ARSB: variants seen among roughly 807,000 people sequenced by gnomAD.
The protein encoded by ARSB is arylsulfatase B.
In ARSB, 41 loss-of-function variants were observed where a neutral mutation model predicts 50.9. The ratio of observed to expected loss-of-function variants is 0.81; its 90% CI spans 0.63 to 1.04. The LOEUF is 1.04. ARSB is among the 50% of genes least tolerant of loss of function. The pLI, the probability that ARSB is intolerant of heterozygous loss-of-function variation, is 0.00. For missense variants in ARSB, 672 were observed against 693.3 expected, an observed-to-expected ratio of 0.97 and a Z score of 0.35; for synonymous variants, 269 against 284.8, an observed-to-expected ratio of 0.94 and a Z score of 0.56.
intron 6 of ARSB, among the ~76,000 whole-genome samples, chr5:78,796,144 G>C (rs1580976583): frequency 6.6e-6 from 1 of 152,328 alleles, no homozygotes; most frequent in Non-Finnish European, 1.5e-5. Context: ...ACCTGAAATA[G>C]GTTGACAAGA....
At chr5:78,863,237 C>G (rs1561467487) in intron 5 of ARSB, among the ~76,000 whole-genome samples, 1 of 152,098 alleles carries the variant, frequency 6.6e-6, no homozygotes. Context: ...AATCGTTTGA[C>G]CCAGTGATCC....
intron 5 of ARSB, among the ~76,000 whole-genome samples, chr5:78,857,352 T>C (rs1191156964): frequency 4.6e-5 from 7 of 152,228 alleles, no homozygotes; most frequent in Non-Finnish European, 1.0e-4. Flanking sequence ...AAAATACATA[T>C]TGCAATCTGT....
At chr5:78,852,888 G>T (rs1332562607) in intron 5 of ARSB, among the ~76,000 whole-genome samples, 1 of 152,134 alleles carries the variant, frequency 6.6e-6, no homozygotes, top group Non-Finnish European at 1.5e-5. Flanking sequence ...TAGTTCTCGA[G>T]CCTTGGCTTT....
At chr5:78,824,777 A>G (rs1414012734) in intron 6 of ARSB, among the ~76,000 whole-genome samples, 1 of 152,168 alleles carries the variant, frequency 6.6e-6, no homozygotes, top group African/African-American at 2.4e-5. Context: ...GCTCATAACT[A>G]TCTGTGATTT....
At chr5:78,886,198 C>T (rs1209757647) in intron 4 of ARSB, among the ~76,000 whole-genome samples, 1 of 152,176 alleles carries the variant, frequency 6.6e-6, no homozygotes, top group East Asian at 1.9e-4. Flanking sequence ...GGACCCTCTC[C>T]ATGCATGAAG....
intron 5 of ARSB, among the ~76,000 whole-genome samples, chr5:78,853,157 C>T (rs138392183): frequency 6.6e-6 from 1 of 152,224 alleles, no homozygotes; most frequent in Admixed American, 6.5e-5. Flanking sequence ...TCCAGTTTTT[C>T]TGCTCTGTTT....
At chr5:78,964,017 G>C (rs957561022) in intron 3 of ARSB, among the ~76,000 whole-genome samples, 65 of 152,104 alleles carry the variant, frequency 4.3e-4, no homozygotes, top group African/African-American at 1.5e-3. Context: ...TTACACCTAA[G>C]CCAATCATTT....
At chr5:78,821,923 C>T (rs977810935) in intron 6 of ARSB, among the ~76,000 whole-genome samples, 36 of 152,310 alleles carry the variant, frequency 2.4e-4, no homozygotes, top group Non-Finnish European at 4.3e-4. Flanking sequence ...AGAATAAAAG[C>T]TGACTCTGAC....
chr5:78,951,879 T>C (rs906789641), intron 4 of ARSB, among the ~76,000 whole-genome samples: 3 of 152,170 alleles, frequency 2.0e-5, no homozygotes, highest in African/African-American at 4.8e-5. Context: ...CCACATTATT[T>C]TATGAAGTGA....
intron 1 of ARSB, among the ~76,000 whole-genome samples, chr5:78,973,135 G>A (rs1287935417): frequency 6.6e-6 from 1 of 152,074 alleles, no homozygotes; most frequent in Non-Finnish European, 1.5e-5. Context: ...AAGGCAACCG[G>A]GCACCAATAG....
rs1273621807 is a variant in ARSB, at chr5:78,780,087, TTCCAGCC to T, written c.*303_*309del. On this transcript the variant is annotated 3_prime_UTR_variant, in exon 8 of 8. Transcript: ENST00000264914. ...CTTGTGAGTCTAAAAGAGCCAGCTG[TTCCAGCC>T]TCCAGGATTCAGTGAGAACTTCCTA... 20 of 382,258 alleles carry T rather than the reference TTCCAGCC, an allele frequency of 5.2e-5. No individual in the cohort carries two copies. Among genetic ancestry groups the T allele is most frequent in the Non-Finnish European group, 8.9e-5 (18 of 202,828 alleles). The allele number at this position is 382,258 out of a possible 1,614,324, so 23.7% of individuals were successfully genotyped here.
rs188797170 is a variant in ARSB at position 78,780,190 on chromosome 5, A to C, written c.*207T>G. 141 of 648,446 alleles carry C rather than the reference A, an allele frequency of 2.2e-4. No individual in the cohort carries two copies. In the African/African-American group the frequency reaches 2.3e-3, roughly 11 times the overall value. The allele number at this position is 648,446 out of a possible 1,614,324, so 40.2% of individuals were successfully genotyped here. On this transcript the variant is annotated 3_prime_UTR_variant, in exon 8 of 8. Transcript: ENST00000264914. ...TAAACCCAGCCACCCCCACCTCTAG[A>C]CACATGCTCCAGCCAACAGCAGGAG...
At chr5:78,892,248 C>CTTTTTTTTTTTTTT (rs34960858) in intron 4 of ARSB, among the ~76,000 whole-genome samples, 5 of 87,226 alleles carry the variant, frequency 5.7e-5, no homozygotes, top group African/African-American at 2.1e-4. Context: ...ATTCTCTATT[C>CTTTTTTTTTTTTTT]TTTTTTTTTT....
chr5:78,787,645 A>G (rs1221331039), intron 6 of ARSB, among the ~76,000 whole-genome samples: 1 of 152,228 alleles, frequency 6.6e-6, no homozygotes, highest in African/African-American at 2.4e-5. Flanking sequence ...AAGAATATAA[A>G]AGATAAATAA....
chr5:78,802,648 TAGAGA>T (rs1415124530), intron 6 of ARSB, among the ~76,000 whole-genome samples: 1 of 152,142 alleles, frequency 6.6e-6, no homozygotes, highest in Admixed American at 6.6e-5. Flanking sequence ...GAATAAAGTT[TAGAGA>T]AGAGAAACTA....
chr5:78,960,556 T>G (rs1751935035), intron 3 of ARSB, among the ~76,000 whole-genome samples: 1 of 152,074 alleles, frequency 6.6e-6, no homozygotes, highest in African/African-American at 2.4e-5. Context: ...AGTGCTGACA[T>G]GGGGGTGTTT....
At chr5:78,800,044 G>A (rs187648211) in intron 6 of ARSB, among the ~76,000 whole-genome samples, 5 of 152,288 alleles carry the variant, frequency 3.3e-5, no homozygotes, top group East Asian at 3.9e-4. Context: ...GCGGCCAGTC[G>A]CGGTGGCTCA....
intron 6 of ARSB, among the ~76,000 whole-genome samples, chr5:78,802,859 G>C (rs1396438242): frequency 1.3e-5 from 2 of 152,152 alleles, no homozygotes; most frequent in African/African-American, 4.8e-5. Context: ...ACCTGAGAGG[G>C]AATAGGATCA....
chr5:78,932,168 T>C (rs1750354070), intron 4 of ARSB, among the ~76,000 whole-genome samples: 2 of 152,230 alleles, frequency 1.3e-5, no homozygotes, highest in South Asian at 2.1e-4. Context: ...AGCAGTCTAA[T>C]AGCTCTTTGT....
Sources: allele counts gnomAD v4.1 joint callset (sites outside exome capture counted in the v4.1 genomes callset), GRCh38; gene constraint gnomAD v4.1.1; transcripts MANE v1.5; gene names NCBI Gene and HGNC (gene_info 2026-07-23, HGNC 2026-07-21).